Variants in ARHGAP20 observed in about 807,000 individuals in gnomAD.
The protein encoded by ARHGAP20 is rho GTPase-activating protein 20.
A neutral mutation model predicts 73.7 loss-of-function variants in ARHGAP20; 34 were observed. The observed-to-expected ratio is 0.46, with a 90% CI of 0.35 to 0.61. The LOEUF (loss-of-function observed/expected upper bound fraction) is 0.61. Among genes scored for constraint, ARHGAP20 ranks in the 20% least tolerant of loss-of-function variants. The pLI is 0.00. For synonymous variants in ARHGAP20, 523 were observed against 518.2 expected, an observed-to-expected ratio of 1.01 and a Z score of -0.13; for missense variants, 1,314 against 1,420.9, an observed-to-expected ratio of 0.92 and a Z score of 1.21.
chr11:110,611,243 A>C, intron 7 of ARHGAP20, 66 bp downstream of exon 7: 1 of 1,084,418 alleles, frequency 9.2e-7, no homozygotes, highest in Non-Finnish European at 1.3e-6. Context: ...TGGAAGGAAA[A>C]TACTTACATA....
At chr11:110,693,157 T>C (rs1011413476) in intron 1 of ARHGAP20, among the ~76,000 whole-genome samples, 2 of 152,056 alleles carry the variant, frequency 1.3e-5, no homozygotes, top group African/African-American at 4.8e-5. Flanking sequence ...ATGTATTTTC[T>C]GAGTTTTAAA....
intron 2 of ARHGAP20, among the ~76,000 whole-genome samples, chr11:110,676,437 A>C (rs1203783822): frequency 1.3e-5 from 2 of 152,188 alleles, no homozygotes; most frequent in Admixed American, 6.5e-5. Context: ...CCTTCTTTAC[A>C]TGGCAGCAGC....
intron 7 of ARHGAP20, among the ~76,000 whole-genome samples, chr11:110,610,310 C>CAATT (rs10699966): frequency 0.54 from 82,208 of 151,572 alleles, 24,784 homozygotes; most frequent in African/African-American, 0.83. Context: ...AATCTAAACA[C>CAATT]AATAATACTA....
At chr11:110,633,188 T>C (rs1196952896) in intron 2 of ARHGAP20, among the ~76,000 whole-genome samples, 2 of 152,216 alleles carry the variant, frequency 1.3e-5, no homozygotes, top group African/African-American at 2.4e-5. Flanking sequence ...TTTTTTTCTA[T>C]ATGAATACTT....
At chr11:110,584,231 G>A (rs939410405) in intron 12 of ARHGAP20, among the ~76,000 whole-genome samples, 1 of 152,136 alleles carries the variant, frequency 6.6e-6, no homozygotes, top group South Asian at 2.1e-4. Context: ...CTTATGTTCT[G>A]CTCCACCAAC....
chr11:110,621,333 C>G (rs376695425), intron 4 of ARHGAP20, among the ~76,000 whole-genome samples: 1 of 151,908 alleles, frequency 6.6e-6, no homozygotes, highest in South Asian at 2.1e-4. Context: ...AGTTTTTAAC[C>G]ACTATTTTTT....
rs757012068 is a variant in ARHGAP20, at chr11:110,579,119, A to G, written c.*251T>C. The G allele has an allele frequency of 8.3e-5, 93 of 1,119,034 alleles. No homozygotes were observed. The highest frequency in any genetic ancestry group is 7.9e-4 in the Middle Eastern group (2 of 2,544). The allele number at this position is 1,119,034 out of a possible 1,614,324, so 69.3% of individuals were successfully genotyped here. A position where few individuals can be genotyped will look rare whatever the true frequency, so the allele number is the denominator to read the frequency against. On this transcript the variant is annotated 3_prime_UTR_variant, in exon 15 of 15. Coordinates refer to ENST00000683387, the MANE Select transcript of ARHGAP20 (RefSeq NM_001384657.1). ...TCTAGCCCTCTGTTAGTATCTCTAA[A>G]ACCACATGACAGGACCAATCCCAAC... is the stretch of plus-strand genomic sequence containing the variant.
At chr11:110,707,402 A>G (rs1017797767) in intron 1 of ARHGAP20, among the ~76,000 whole-genome samples, 1 of 152,122 alleles carries the variant, frequency 6.6e-6, no homozygotes, top group African/African-American at 2.4e-5. Context: ...TCTATATGCT[A>G]TTACATTTTA....
At chr11:110,640,198 C>T (rs1490865175) in intron 2 of ARHGAP20, among the ~76,000 whole-genome samples, 1 of 151,992 alleles carries the variant, frequency 6.6e-6, no homozygotes, top group African/African-American at 2.4e-5. Context: ...GAACTCCTAA[C>T]TGGATTCTCT....
intron 2 of ARHGAP20, among the ~76,000 whole-genome samples, 191 bp from the exon 3 acceptor site, chr11:110,630,983 T>A (rs1036449136): frequency 6.6e-6 from 1 of 152,244 alleles, no homozygotes; most frequent in African/African-American, 2.4e-5. Context: ...AATAGTTTTA[T>A]AATAAACACA....
chr11:110,711,561 C>T, intron 1 of ARHGAP20: 1 of 1,417,974 alleles, frequency 7.1e-7, no homozygotes, highest in Non-Finnish European at 9.3e-7. Flanking sequence ...GGGCAGTACT[C>T]CCCATATCTG....
chr11:110,630,726 A>C lies in ARHGAP20; in HGVS notation c.255T>G (p.Thr85=), dbSNP rs1484554538. The C allele has an allele frequency of 6.2e-7, 1 of 1,614,152 alleles. No homozygotes were observed. Among genetic ancestry groups the C allele is most frequent in the Non-Finnish European group, 8.5e-7 (1 of 1,180,002 alleles). Residue 85 remains threonine, a synonymous_variant, in exon 3 of 15, where the codon ACT becomes ACG. Transcript: ENST00000683387. Reference sequence around the variant, plus strand: ...GTTCTGCCCGGCCATCAATCAGCAGAGTCCTATTGGAGCACACTAATGATG... The same window carrying C: ...GTTCTGCCCGGCCATCAATCAGCAGCGTCCTATTGGAGCACACTAATGATG... ...FLSSLVCSNR[T]LLIDGRAELK...
In ARHGAP20 at chr11:110,579,648, C is replaced by T; in HGVS notation, c.3298G>A (p.Gly1100Arg). 6.2e-7 allele frequency: 1 copy of T among 1,614,212 alleles called. No individual in the cohort carries two copies. ...QKDLPLRAAE[G>R]LSPVQSAQRC... is the part of the protein sequence containing the mutation. Reference sequence around the variant, plus strand: ...TGGGCTGACTGCACAGGGGACAGTCCTTCAGCTGCCCTTAAGGGCAAGTCT... The same window carrying T: ...TGGGCTGACTGCACAGGGGACAGTCTTTCAGCTGCCCTTAAGGGCAAGTCT... Residue 1100 changes from glycine to arginine, a missense_variant, in exon 15 of 15, where the codon GGA becomes AGA. Gly to Arg is a moderately radical substitution (Grantham distance 125). Transcript: ENST00000683387.
chr11:110,598,828 C>T (rs560768202), intron 9 of ARHGAP20, among the ~76,000 whole-genome samples: 1 of 152,120 alleles, frequency 6.6e-6, no homozygotes, highest in East Asian at 1.9e-4. Flanking sequence ...ACTGCAGACA[C>T]CCAAGCCATG....
chr11:110,655,738 GC>G (rs1782071113), intron 2 of ARHGAP20, among the ~76,000 whole-genome samples: 1 of 152,062 alleles, frequency 6.6e-6, no homozygotes, highest in African/African-American at 2.4e-5. Flanking sequence ...TAATCTGGGA[GC>G]TCCTTGGGGT....
intron 2 of ARHGAP20, among the ~76,000 whole-genome samples, chr11:110,634,532 T>C (rs1948922944): frequency 6.6e-6 from 1 of 152,130 alleles, no homozygotes; most frequent in Non-Finnish European, 1.5e-5. Flanking sequence ...TGACTCAGCT[T>C]CCTCCTCCAG....
At chr11:110,696,122 T>TA (rs1950331204) in intron 1 of ARHGAP20, among the ~76,000 whole-genome samples, 1 of 151,318 alleles carries the variant, frequency 6.6e-6, no homozygotes, top group Non-Finnish European at 1.5e-5. Flanking sequence ...CAAGCAAATC[T>TA]ATAGAGACTT....
chr11:110,689,131 T>G (rs1262744459), intron 2 of ARHGAP20, among the ~76,000 whole-genome samples: 1 of 151,936 alleles, frequency 6.6e-6, no homozygotes, highest in East Asian at 1.9e-4. Flanking sequence ...CTAGAGTAGC[T>G]GGGACTACAG....
intron 9 of ARHGAP20, among the ~76,000 whole-genome samples, chr11:110,601,355 T>C (rs1288089062): frequency 1.1e-4 from 17 of 152,252 alleles, no homozygotes; most frequent in Non-Finnish European, 2.2e-4. Flanking sequence ...CTGGTACATA[T>C]GTGAACAAGG....
Sources: allele counts gnomAD v4.1 joint callset (sites outside exome capture counted in the v4.1 genomes callset), GRCh38; gene constraint gnomAD v4.1.1; transcripts MANE v1.5; gene names NCBI Gene and HGNC (gene_info 2026-07-23, HGNC 2026-07-21).